The following FRMPD4 variants were observed in gnomAD, a reference collection of about 807,000 sequenced individuals.
FRMPD4 encodes the protein FERM and PDZ domain containing 4.
In FRMPD4, 22 loss-of-function variants were observed where a neutral mutation model predicts 94.1. That is an observed-to-expected ratio of 0.23 (90% CI 0.17 to 0.33). FRMPD4 has a LOEUF of 0.33. Among genes scored for constraint, FRMPD4 ranks in the 10% least tolerant of loss-of-function variants. The probability of loss-of-function intolerance (pLI) is 1.00; values close to 1 mark genes in which losing one functional copy is unlikely to be tolerated. For missense variants in FRMPD4, 1,111 were observed against 1,339.9 expected, an observed-to-expected ratio of 0.83 and a Z score of 2.67; for synonymous variants, 631 against 548.6, an observed-to-expected ratio of 1.15 and a Z score of -2.10.
chrX:11,887,991 T>C (rs1446449646), intron 3 of FRMPD4, among the ~76,000 whole-genome samples: 1 of 112,604 alleles, frequency 8.9e-6, no homozygotes, highest in Non-Finnish European at 1.9e-5. Context: ...ACATTATTTG[T>C]AAGTGCAGAA....
chrX:12,414,811 G>A (rs982867274), intron 1 of FRMPD4, among the ~76,000 whole-genome samples: 1 of 112,006 alleles, frequency 8.9e-6, no homozygotes, highest in African/African-American at 3.2e-5. Flanking sequence ...CCCAACTACA[G>A]AGAGAGATTA....
chrX:12,128,417 G>T (rs1398740894), intron 3 of FRMPD4, among the ~76,000 whole-genome samples: 1 of 112,238 alleles, frequency 8.9e-6, no homozygotes, highest in East Asian at 2.8e-4. Context: ...CAGCTGGGAT[G>T]CAGGGCACCA....
At position 12,423,154 on chromosome X, in the gene FRMPD4, C is replaced by T. The variant is rs185913105; in HGVS notation, c.42-75526C>T. On this transcript the variant is annotated intron_variant, in intron 1 of 16. Transcript: ENST00000675598. ...AGAGCAAAACACCTCTTAAAAATTC[C>T]GGCTCCTGAAGTGTTGTTGCAGTGA... 5.1e-3 allele frequency among the ~76,000 whole-genome samples: 568 copies of T among 110,559 alleles called. 5 individuals carry two copies. The highest frequency in any genetic ancestry group is 0.018 in the African/African-American group (552 of 30,377).
At chrX:12,509,194 A>G (rs1318527888) in intron 2 of FRMPD4, among the ~76,000 whole-genome samples, 1 of 110,870 alleles carries the variant, frequency 9.0e-6, no homozygotes, top group Non-Finnish European at 1.9e-5. Flanking sequence ...TTAAACAACT[A>G]AAAGTAGAAC....
Position 12,561,197 on chromosome X carries a change from C to CACTAA in FRMPD4, c.159-48523_159-48522insCTAAA, listed in dbSNP as rs1487292996. On this transcript the variant is annotated intron_variant, in intron 2 of 16. Coordinates refer to ENST00000675598, the MANE Select transcript of FRMPD4 (RefSeq NM_001368397.1). ...ACGTCCAAATGTCTAAACATCTCTC[C>CACTAA]AGATATTTCCACTTTTTCAATCAAT... Among the ~76,000 whole-genome samples the CACTAA allele has an allele frequency of 8.9e-5, 10 of 112,102 alleles. No homozygotes were observed. In the East Asian group the frequency reaches 1.7e-3, roughly 19 times the overall value.
At chrX:11,930,107 C>CAAAAAAAA (rs55973946) in intron 3 of FRMPD4, among the ~76,000 whole-genome samples, 380 of 13,253 alleles carry the variant, frequency 0.029, 79 homozygotes, top group Middle Eastern at 0.12. Context: ...GACTCTGTCT[C>CAAAAAAAA]AAAAAAAAAA....
chrX:12,547,011 T>TAA (rs57946725), intron 2 of FRMPD4, among the ~76,000 whole-genome samples: 408 of 33,763 alleles, frequency 0.012, 15 homozygotes, highest in African/African-American at 0.047. Flanking sequence ...ACTGTCTCTT[T>TAA]AAAAAAAAAA....
At chrX:11,994,702 G>A (rs2054487628) in intron 3 of FRMPD4, among the ~76,000 whole-genome samples, 1 of 111,793 alleles carries the variant, frequency 8.9e-6, no homozygotes, top group Non-Finnish European at 1.9e-5. Context: ...GTATGCATAA[G>A]AGTTGTATTT....
chrX:11,876,447 T>C (rs1247789936), intron 2 of FRMPD4, among the ~76,000 whole-genome samples: 2 of 110,878 alleles, frequency 1.8e-5, no homozygotes, highest in Non-Finnish European at 3.8e-5. Context: ...ATTTATGTCC[T>C]CATTATCTCT....
At chrX:12,221,116 C>T (rs772941529) in intron 1 of FRMPD4, among the ~76,000 whole-genome samples, 1 of 112,483 alleles carries the variant, frequency 8.9e-6, no homozygotes, top group Non-Finnish European at 1.9e-5. Flanking sequence ...AGCCCTTTGA[C>T]ATTTGAGATT....
chrX:12,153,098 T>C (rs1192470876), intron 1 of FRMPD4, among the ~76,000 whole-genome samples: 1 of 110,239 alleles, frequency 9.1e-6, no homozygotes, highest in East Asian at 2.8e-4. Flanking sequence ...CGCGCCCGGC[T>C]AATTTTTTTT....
At chrX:12,061,200 T>C (rs1459181743) in intron 3 of FRMPD4, among the ~76,000 whole-genome samples, 2 of 111,889 alleles carry the variant, frequency 1.8e-5, no homozygotes, top group Non-Finnish European at 3.8e-5. Flanking sequence ...AGGCAAGTTA[T>C]GGGAAGGTGA....
At chrX:12,193,629 A>C (rs774859703) in intron 1 of FRMPD4, among the ~76,000 whole-genome samples, 1 of 105,352 alleles carries the variant, frequency 9.5e-6, no homozygotes, top group Non-Finnish European at 1.9e-5. Context: ...CAAGCCTCAG[A>C]TCAAAGTTTG....
chrX:12,450,875 A>AAAAG, intron 1 of FRMPD4, among the ~76,000 whole-genome samples: 1 of 107,446 alleles, frequency 9.3e-6, no homozygotes, highest in East Asian at 2.9e-4. Flanking sequence ...AAAAAAAAAA[A>AAAAG]AAAAAAAAGA....
At chrX:11,878,166 A>G (rs1389963670) in intron 3 of FRMPD4, among the ~76,000 whole-genome samples, 1 of 112,326 alleles carries the variant, frequency 8.9e-6, no homozygotes, top group African/African-American at 3.2e-5. Flanking sequence ...TTGGAGAAAA[A>G]TGAAGTCCTT....
At chrX:12,294,485 C>CACACACACAG (rs34874624) in intron 1 of FRMPD4, among the ~76,000 whole-genome samples, 89 of 92,092 alleles carry the variant, frequency 9.7e-4, no homozygotes, top group Middle Eastern at 5.5e-3. Flanking sequence ...CACACACACA[C>CACACACACAG]AGAGAGAGAG....
Position 12,721,118 on chromosome X carries a change from G to C in FRMPD4, c.4549G>C (p.Glu1517Gln). 9.2e-6 allele frequency: 7 copies of C among 757,518 alleles called. No individual in the cohort carries two copies. Among genetic ancestry groups the C allele is most frequent in the Non-Finnish European group, 1.1e-5 (7 of 640,179 alleles). 62.4% of individuals were successfully genotyped at this position (757,518 alleles called of 1,213,427 possible). A position where few individuals can be genotyped will look rare whatever the true frequency, so the allele number is the denominator to read the frequency against. The part of the protein sequence containing the change: ...LNRGQDEDGE[E>Q]EEERGEATVQ... ...CCGAGGGCAGGATGAAGATGGTGAG[G>C]AAGAAGAGGAGAGGGGAGAGGCCAC... The change falls in exon 17 of 17, where the codon GAA becomes CAA. Residue 1517 changes from glutamate (E) to glutamine (Q), a missense_variant. Physicochemically the swap from Glu to Gln is conservative, Grantham distance 29. Coordinates refer to ENST00000675598, the MANE Select transcript of FRMPD4 (RefSeq NM_001368397.1).
intron 1 of FRMPD4, among the ~76,000 whole-genome samples, chrX:12,395,085 C>T (rs1399699150): frequency 8.9e-6 from 1 of 112,325 alleles, no homozygotes; most frequent in Non-Finnish European, 1.9e-5. Flanking sequence ...AACTATCAGA[C>T]ATCTGTTGGT....
chrX:11,825,579 A>G (rs2053439151), intron 1 of FRMPD4, among the ~76,000 whole-genome samples: 1 of 107,210 alleles, frequency 9.3e-6, no homozygotes, highest in Non-Finnish European at 1.9e-5. Flanking sequence ...GTTTAAAAAT[A>G]ATAACAATAT....
Sources: gnomAD v4.1 joint callset for allele counts (sites outside exome capture counted in the v4.1 genomes callset) on GRCh38, gnomAD v4.1.1 for gene constraint, MANE v1.5 for transcripts, NCBI Gene and HGNC (gene_info 2026-07-23, HGNC 2026-07-21) for gene names.